The following ZNF536 variants were observed in gnomAD, a reference collection of about 807,000 sequenced individuals.
The protein encoded by ZNF536 is zinc finger protein 536.
ZNF536 carries 13 observed loss-of-function variants against 84.5 expected under a neutral mutation model. The observed-to-expected ratio is 0.15, with a 90% CI of 0.10 to 0.24. The LOEUF (loss-of-function observed/expected upper bound fraction) is 0.24, where lower values mean the gene tolerates loss of function less well. Among genes scored for constraint, ZNF536 ranks in the 10% least tolerant of loss-of-function variants. The pLI, the probability that ZNF536 is intolerant of heterozygous loss-of-function variation, is 1.00. For missense variants in ZNF536, 1,536 were observed against 1,747.5 expected (o/e 0.88, Z 2.16); for synonymous variants, 811 against 742.5 (o/e 1.09, Z -1.50).
chr19:30,305,846 G>C (rs2046326700), intron 2 of ZNF536, among the ~76,000 whole-genome samples: 2 of 152,240 alleles, frequency 1.3e-5, no homozygotes, highest in Admixed American at 6.5e-5. Flanking sequence ...CGTGGGTGAG[G>C]AAAGGACTGT....
chr19:30,330,038 C>A lies in ZNF536; in HGVS notation c.-119-22330C>A, dbSNP rs564152980. On this transcript the variant is annotated intron_variant, in intron 2 of 5. Transcript: ENST00000585628. Reference sequence around the variant, plus strand: ...GTATTTGAAAGCACTTATTTTCATGCCTGGTATACAGTAGGCATTCAATAA... The same window carrying A: ...GTATTTGAAAGCACTTATTTTCATGACTGGTATACAGTAGGCATTCAATAA... Among the ~76,000 whole-genome samples, 14 of 152,180 alleles carry A rather than the reference C, an allele frequency of 9.2e-5. No homozygotes were observed. The East Asian group carries it at 2.7e-3, about 29-fold the overall frequency.
At chr19:30,409,057 C>T (rs1600610994) in intron 1 of ZNF536, among the ~76,000 whole-genome samples, 2 of 151,094 alleles carry the variant, frequency 1.3e-5, no homozygotes, top group East Asian at 2.0e-4. Context: ...CATCCATCCA[C>T]TCATCCATCC....
chr19:30,658,010 C>G (rs1417775727), intron 1 of ZNF536, among the ~76,000 whole-genome samples: 3 of 107,322 alleles, frequency 2.8e-5, no homozygotes, highest in Non-Finnish European at 5.2e-5. Context: ...CCTTCAATGG[C>G]TTTCCATTCC....
At chr19:30,594,388 T>C (rs1241236222) in intron 1 of ZNF536, among the ~76,000 whole-genome samples, 1 of 152,138 alleles carries the variant, frequency 6.6e-6, no homozygotes. Flanking sequence ...CTGGGGACCC[T>C]GGGAGTCAGG....
At chr19:30,562,399 TGTTAAATTA>T (rs374557601), downstream of ZNF536, among the ~76,000 whole-genome samples, 1 of 152,340 alleles carries the variant, frequency 6.6e-6, no homozygotes, top group African/African-American at 2.4e-5. Context: ...AAGATATTTC[TGTTAAATTA>T]GAAGAAGACC....
intron 2 of ZNF536, among the ~76,000 whole-genome samples, chr19:30,294,103 A>G (rs1170264146): frequency 2.0e-5 from 3 of 152,110 alleles, no homozygotes; most frequent in East Asian, 1.9e-4. Context: ...GTCTTTCACT[A>G]TCTCTTGCCA....
At chr19:30,504,169 C>T (rs1367425331) in intron 2 of ZNF536, among the ~76,000 whole-genome samples, 1 of 152,038 alleles carries the variant, frequency 6.6e-6, no homozygotes, top group Non-Finnish European at 1.5e-5. Flanking sequence ...CACACATTCT[C>T]TCTTCAACAG....
chr19:30,653,037 T>G (rs1600156705), intron 1 of ZNF536, among the ~76,000 whole-genome samples: 1 of 151,976 alleles, frequency 6.6e-6, no homozygotes, highest in Non-Finnish European at 1.5e-5. Context: ...CCTAGTAAGG[T>G]TGGGTGGAAA....
At chr19:30,249,649 CA>C (rs1006290383) in intron 1 of ZNF536, among the ~76,000 whole-genome samples, 1 of 152,184 alleles carries the variant, frequency 6.6e-6, no homozygotes, top group African/African-American at 2.4e-5. Context: ...TGTCCCAAAA[CA>C]AAAACAAAAC....
intron 1 of ZNF536, among the ~76,000 whole-genome samples, chr19:30,387,301 A>T (rs1209300563): frequency 6.6e-6 from 1 of 152,214 alleles, no homozygotes. Flanking sequence ...CGCTGGTTGC[A>T]GCCTGACTTT....
At chr19:30,326,477 T>C (rs1013558179) in intron 2 of ZNF536, among the ~76,000 whole-genome samples, 1 of 152,180 alleles carries the variant, frequency 6.6e-6, no homozygotes, top group African/African-American at 2.4e-5. Context: ...ACAAGTGTCC[T>C]CCAGGCAGCC....
intron 1 of ZNF536, among the ~76,000 whole-genome samples, chr19:30,633,092 A>ATCTCAGCATTCTATAATTGAT (rs1555820364): frequency 7.2e-5 from 11 of 152,318 alleles, no homozygotes; most frequent in African/African-American, 2.4e-4. Flanking sequence ...TCTATAATTG[A>ATCTCAGCATTCTATAATTGAT]TCCACTTCCT....
At chr19:30,448,861 T>C (rs1726701906) in intron 2 of ZNF536, among the ~76,000 whole-genome samples, 1 of 152,086 alleles carries the variant, frequency 6.6e-6, no homozygotes, top group African/African-American at 2.4e-5. Context: ...CAGACCGAGA[T>C]GAAGAAGGGG....
At chr19:30,420,970 C>A (rs2050932221) in intron 1 of ZNF536, among the ~76,000 whole-genome samples, 1 of 152,296 alleles carries the variant, frequency 6.6e-6, no homozygotes, top group South Asian at 2.1e-4. Context: ...CACCGTTCAC[C>A]TTCACTTACA....
chr19:30,547,435 T>G (rs1475688911), intron 3 of ZNF536, among the ~76,000 whole-genome samples: 2 of 152,250 alleles, frequency 1.3e-5, no homozygotes, highest in Non-Finnish European at 2.9e-5. Flanking sequence ...GCTAATTATA[T>G]CCATGATTTA....
chr19:30,506,258 A>T (rs2055171024), intron 2 of ZNF536, among the ~76,000 whole-genome samples: 1 of 152,058 alleles, frequency 6.6e-6, no homozygotes, highest in African/African-American at 2.4e-5. Context: ...CCTCCTGATG[A>T]GATTGGGTGG....
chr19:30,332,643 C>T (rs28398991), intron 2 of ZNF536, among the ~76,000 whole-genome samples: 128 of 152,302 alleles, frequency 8.4e-4, no homozygotes, highest in African/African-American at 2.8e-3. Flanking sequence ...TTCATCATAA[C>T]CTGTAATTAT....
intron 1 of ZNF536, among the ~76,000 whole-genome samples, chr19:30,582,405 A>G (rs1289072738): frequency 8.5e-6 from 1 of 118,256 alleles, no homozygotes; most frequent in Non-Finnish European, 1.7e-5. Context: ...TTTTTCAGAC[A>G]GGGTCTAATT....
intron 1 of ZNF536, among the ~76,000 whole-genome samples, chr19:30,584,585 C>T (rs1165904113): frequency 6.6e-6 from 1 of 152,186 alleles, no homozygotes; most frequent in Non-Finnish European, 1.5e-5. Flanking sequence ...AAATGCCCTC[C>T]AGCTTCTCTC....
Sources: gnomAD v4.1 joint callset for allele counts (sites outside exome capture counted in the v4.1 genomes callset) on GRCh38, gnomAD v4.1.1 for gene constraint, MANE v1.5 for transcripts, NCBI Gene and HGNC (gene_info 2026-07-23, HGNC 2026-07-21) for gene names.